The following PRDM16 variants were observed in gnomAD, a reference collection of about 807,000 sequenced individuals.
PRDM16 encodes PR/SET domain 16, also known as histone-lysine N-methyltransferase PRDM16.
Under a neutral mutation model 110.6 loss-of-function variants are expected in PRDM16, and 23 were observed. The ratio of observed to expected loss-of-function variants is 0.21; its 90% CI spans 0.15 to 0.29. The LOEUF (loss-of-function observed/expected upper bound fraction) is 0.29, where lower values mean the gene tolerates loss of function less well. Ranked by LOEUF, PRDM16 falls within the 10% of genes least tolerant of loss-of-function variation. The pLI is 1.00. For synonymous variants in PRDM16, 799 were observed against 781.8 expected (o/e 1.02, Z -0.37); for missense variants, 1,615 against 1,794.3 (o/e 0.90, Z 1.81).
At chr1:3,090,271 CTG>C (rs1404651248) in intron 1 of PRDM16, among the ~76,000 whole-genome samples, 1 of 152,216 alleles carries the variant, frequency 6.6e-6, no homozygotes, top group Non-Finnish European at 1.5e-5. Flanking sequence ...GGGCTTGACA[CTG>C]AGGGCTGTGA....
Position 3,080,959 on chromosome 1 carries a change from G to T in PRDM16, c.37+11663G>T, listed in dbSNP as rs545377692. On this transcript the variant is annotated intron_variant, in intron 1 of 16. Transcript: ENST00000270722. The surrounding 1 kb of genome is among the most constrained non-coding windows in gnomAD (Gnocchi z 5.2). ...GTGTGTGTAGAGGGGGTGGCGGGGC[G>T]GGGGGGGTCTGCACATTCCGCCGAG... 6.6e-6 allele frequency among the ~76,000 whole-genome samples: 1 copy of T among 150,962 alleles called. No individual in the cohort carries two copies. The highest frequency in any genetic ancestry group is 1.5e-5 in the Non-Finnish European group (1 of 67,644).
chr1:3,180,933 C>CTT (rs76684232), intron 1 of PRDM16, among the ~76,000 whole-genome samples: 10,979 of 145,676 alleles, frequency 0.075, 611 homozygotes, highest in East Asian at 0.16. Context: ...CACACGCAGC[C>CTT]ACACACGCAG....
chr1:3,188,517 C>T (rs1012587373), intron 2 of PRDM16, among the ~76,000 whole-genome samples: 3 of 152,220 alleles, frequency 2.0e-5, no homozygotes, highest in Non-Finnish European at 4.4e-5. Flanking sequence ...GCTCTCCTCA[C>T]GGCGCACCTC....
chr1:3,303,738 C>T (rs1162115364), intron 3 of PRDM16, among the ~76,000 whole-genome samples: 7 of 152,270 alleles, frequency 4.6e-5, no homozygotes, highest in South Asian at 2.1e-4. Context: ...TCTTTCGGAC[C>T]GCAGCCATCC....
intron 3 of PRDM16, among the ~76,000 whole-genome samples, chr1:3,371,339 C>G (rs1642904495): frequency 6.6e-6 from 1 of 151,868 alleles, no homozygotes; most frequent in African/African-American, 2.4e-5. Flanking sequence ...ATCCATTCAT[C>G]CATTCACCAT....
At chr1:3,098,375 A>G (rs908808402) in intron 1 of PRDM16, among the ~76,000 whole-genome samples, 1 of 152,110 alleles carries the variant, frequency 6.6e-6, no homozygotes, top group East Asian at 1.9e-4. Context: ...GGGGTTGCGG[A>G]GTGGCGAGCT....
intron 3 of PRDM16, among the ~76,000 whole-genome samples, chr1:3,262,918 G>A (rs1423683741): frequency 6.6e-5 from 10 of 152,206 alleles, no homozygotes; most frequent in Admixed American, 6.5e-4. Context: ...ACGGTGCTGG[G>A]AGGTGCAGGT....
At chr1:3,248,878 G>A (rs773710465) in intron 3 of PRDM16, among the ~76,000 whole-genome samples, 2 of 152,242 alleles carry the variant, frequency 1.3e-5, no homozygotes, top group Non-Finnish European at 1.5e-5. Flanking sequence ...GAGGAGTCCA[G>A]AGGTTTCCTG....
chr1:3,197,343 G>A (rs1638505647), intron 2 of PRDM16, among the ~76,000 whole-genome samples: 2 of 152,206 alleles, frequency 1.3e-5, no homozygotes, highest in African/African-American at 4.8e-5. Flanking sequence ...CTTCCTGTGT[G>A]CCCCCAGCCA....
Position 3,411,448 on chromosome 1 carries a change from C to T in PRDM16, c.1251C>T (p.Ala417=), listed in dbSNP as rs757550054. The change falls in exon 9 of 17, where the codon GCC becomes GCT. Residue 417 remains alanine, a synonymous_variant. Transcript: ENST00000270722. The part of the protein sequence containing the change: ...SNLCRHKRMH[A]DCRTQIKCKD... ...TGTGCCGGCACAAGCGGATGCACGC[C>T]GACTGCCGCACGCAGATCAAGTGCA... is the stretch of plus-strand genomic sequence containing the variant. The T allele has an allele frequency of 1.2e-5, 19 of 1,614,036 alleles. No homozygotes were observed. The highest frequency in any genetic ancestry group is 8.9e-5 in the East Asian group (4 of 44,876).
At chr1:3,349,352 G>A (rs907417515) in intron 3 of PRDM16, among the ~76,000 whole-genome samples, 2 of 152,182 alleles carry the variant, frequency 1.3e-5, no homozygotes, top group African/African-American at 4.8e-5. Context: ...AGGTGCTGAC[G>A]TGGCACCGTG....
intron 2 of PRDM16, among the ~76,000 whole-genome samples, chr1:3,215,854 C>T (rs1279656125): frequency 6.6e-6 from 1 of 152,284 alleles, no homozygotes; most frequent in East Asian, 1.9e-4. Flanking sequence ...CGCATTCTTC[C>T]CCGGCTCCTC....
intron 1 of PRDM16, among the ~76,000 whole-genome samples, chr1:3,078,729 G>A (rs1475428979): frequency 6.6e-6 from 1 of 152,246 alleles, no homozygotes; most frequent in Non-Finnish European, 1.5e-5. Flanking sequence ...GGGTGCATAC[G>A]TGAGGAACGG....
chr1:3,389,671 G>C (rs747457171), intron 4 of PRDM16, among the ~76,000 whole-genome samples: 4 of 152,230 alleles, frequency 2.6e-5, no homozygotes, highest in Admixed American at 6.5e-5. Context: ...CCCAGATCAC[G>C]GCCAAGGGCA....
rs1638797920 is a variant in PRDM16, at chr1:3,208,197, G to A, written c.387+21723G>A. 2 of 152,166 alleles carry A rather than the reference G, an allele frequency of 1.3e-5. No homozygotes were observed. The highest frequency in any genetic ancestry group is 1.3e-4 in the Admixed American group (2 of 15,272). The allele number at this position is 152,166 out of a possible 1,614,324, so 9.4% of individuals were successfully genotyped here. A position where few individuals can be genotyped will look rare whatever the true frequency, so the allele number is the denominator to read the frequency against. On this transcript the variant is annotated intron_variant, in intron 2 of 16. Transcript: ENST00000270722. The surrounding 1 kb of genome is among the most constrained non-coding windows in gnomAD (Gnocchi z 6.1). Reference sequence around the variant, plus strand: ...AGTGGCCACGCTTGAAGCCTCACGGGGCTCCAGATGGAGCCTCCCTGACAA... The same window carrying A: ...AGTGGCCACGCTTGAAGCCTCACGGAGCTCCAGATGGAGCCTCCCTGACAA...
rs111770686 is a variant in PRDM16, at chr1:3,396,648, G to A, written c.676+55G>A. Reference sequence around the variant, plus strand: ...GCCCCTGGGAGCCCCCAGCCAGCCCGGAAGAGGAGCAGATGCCTGGGAGGA... The same window carrying A: ...GCCCCTGGGAGCCCCCAGCCAGCCCAGAAGAGGAGCAGATGCCTGGGAGGA... On this transcript the variant is annotated intron_variant, in intron 5 of 16. Transcript: ENST00000270722. The A allele has an allele frequency of 2.8e-3, 2,022 of 726,628 alleles. 20 individuals are homozygous for A. The African/African-American group carries it at 0.031, about 11-fold the overall frequency. 45.0% of individuals were successfully genotyped at this position (726,628 alleles called of 1,614,324 possible).
chr1:3,117,344 G>A (rs760901548), intron 1 of PRDM16, among the ~76,000 whole-genome samples: 7 of 152,188 alleles, frequency 4.6e-5, no homozygotes, highest in Admixed American at 2.0e-4. Context: ...GGATTAGACC[G>A]TGCAGGGATG....
chr1:3,399,795 C>G (rs532139898), intron 5 of PRDM16, among the ~76,000 whole-genome samples: 3 of 152,282 alleles, frequency 2.0e-5, no homozygotes, highest in Admixed American at 6.5e-5. Context: ...TTTCAAATTT[C>G]AACTACTATG....
intron 1 of PRDM16, among the ~76,000 whole-genome samples, chr1:3,090,680 A>T (rs1187720453): frequency 1.3e-5 from 2 of 152,234 alleles, no homozygotes; most frequent in African/African-American, 4.8e-5. Flanking sequence ...TCTGACACCA[A>T]CAGGTCACGT....
Sources: allele counts gnomAD v4.1 joint callset (sites outside exome capture counted in the v4.1 genomes callset), GRCh38; gene constraint gnomAD v4.1.1; non-coding constraint Gnocchi (gnomAD v3.1); transcripts MANE v1.5; gene names NCBI Gene and HGNC (gene_info 2026-07-23, HGNC 2026-07-21).